Variants in CYP7B1 observed in about 807,000 individuals in gnomAD.
CYP7B1 encodes the protein cytochrome P450 7B1.
In CYP7B1, 29 loss-of-function variants were observed where a neutral mutation model predicts 42.7. The observed-to-expected ratio is 0.68, with a 90% CI of 0.51 to 0.93. The LOEUF is 0.93. Ranked by LOEUF, CYP7B1 falls within the 40% of genes least tolerant of loss-of-function variation. The pLI, the probability that CYP7B1 is intolerant of heterozygous loss-of-function variation, is 0.00. For synonymous variants in CYP7B1, 235 were observed against 218.2 expected, an observed-to-expected ratio of 1.08 and a Z score of -0.68; for missense variants, 655 against 600.5, an observed-to-expected ratio of 1.09 and a Z score of -0.95.
At chr8:64,777,534 C>T (rs1172223226) in intron 1 of CYP7B1, among the ~76,000 whole-genome samples, 1 of 152,022 alleles carries the variant, frequency 6.6e-6, no homozygotes, top group African/African-American at 2.4e-5. Flanking sequence ...TCATGGACCA[C>T]GTGCCGACTA....
chr8:64,744,889 G>C (rs1364798044), intron 1 of CYP7B1, among the ~76,000 whole-genome samples: 2 of 151,938 alleles, frequency 1.3e-5, no homozygotes, highest in African/African-American at 2.4e-5. Flanking sequence ...TTTTTACTAG[G>C]GCTTTATAGC....
At chr8:64,722,991 GTGAATCGTAGC>G (rs1807269220) in intron 1 of CYP7B1, among the ~76,000 whole-genome samples, 1 of 152,144 alleles carries the variant, frequency 6.6e-6, no homozygotes, top group African/African-American at 2.4e-5. Context: ...TCAATTGTAA[GTGAATCGTAGC>G]TGGCTTTTTT....
chr8:64,745,876 G>C (rs574325893), intron 1 of CYP7B1, among the ~76,000 whole-genome samples: 2 of 152,220 alleles, frequency 1.3e-5, no homozygotes, highest in East Asian at 3.9e-4. Flanking sequence ...CAATGGGCTG[G>C]TTCATCATCT....
intron 1 of CYP7B1, among the ~76,000 whole-genome samples, chr8:64,649,181 AATCAATTC>A (rs1348364825): frequency 6.6e-6 from 1 of 152,198 alleles, no homozygotes; most frequent in East Asian, 1.9e-4. Context: ...TCAATAAATT[AATCAATTC>A]ATCAATTCAA....
rs1303016432 is a variant in CYP7B1, at chr8:64,596,496, C to T, written c.*146G>A. The T allele has an allele frequency of 2.5e-6, 2 of 815,970 alleles. No homozygotes were observed. The highest frequency in any genetic ancestry group is 3.5e-5 in the African/African-American group (2 of 57,650). The allele number at this position is 815,970 out of a possible 1,614,324, so 50.5% of individuals were successfully genotyped here. A position where few individuals can be genotyped will look rare whatever the true frequency, so the allele number is the denominator to read the frequency against. On this transcript the variant is annotated 3_prime_UTR_variant, in exon 6 of 6. Transcript: ENST00000310193. ...TTATGATGGGCTTTGTGACTAAGGA[C>T]AAACTGGACTGATATCAGATCAAAT...
chr8:64,630,844 G>C (rs7008736), intron 1 of CYP7B1, among the ~76,000 whole-genome samples: 112,533 of 152,166 alleles, frequency 0.74, 41,955 homozygotes, highest in African/African-American at 0.83. Context: ...TTGTTCTATA[G>C]AAGAAGTGAA....
intron 1 of CYP7B1, among the ~76,000 whole-genome samples, chr8:64,757,441 T>C (rs998243976): frequency 1.3e-5 from 2 of 152,176 alleles, no homozygotes; most frequent in Non-Finnish European, 2.9e-5. Flanking sequence ...AGAAAAAGGA[T>C]AGTGAGAGGG....
At chr8:64,638,073 C>A (rs2129630902) in intron 1 of CYP7B1, among the ~76,000 whole-genome samples, 1 of 152,208 alleles carries the variant, frequency 6.6e-6, no homozygotes, top group Non-Finnish European at 1.5e-5. Context: ...ATTCTTGATT[C>A]ATAAATGCAA....
intron 1 of CYP7B1, among the ~76,000 whole-genome samples, chr8:64,764,229 G>GCCCCCCCCCCCCCCCCCC (rs59605103): frequency 5.7e-4 from 72 of 125,230 alleles, no homozygotes; most frequent in East Asian, 7.2e-4. Flanking sequence ...CTTCCACGCT[G>GCCCCCCCCCCCCCCCCCC]CCCCCCCCAC....
In CYP7B1 at chr8:64,592,832, A is replaced by AGTT. The variant is rs1207042560; in HGVS notation, c.*3807_*3809dup. Reference sequence around the variant, plus strand: ...GACGGAAATTGTTTAATAATAAGCCAGTTATGTCACAGCCAGAATCTGCAT... The same window carrying AGTT: ...GACGGAAATTGTTTAATAATAAGCCAGTTGTTATGTCACAGCCAGAATCTGCAT... On this transcript the variant is annotated 3_prime_UTR_variant, in exon 6 of 6. Coordinates refer to ENST00000310193, the MANE Select transcript of CYP7B1 (RefSeq NM_004820.5). Among the ~76,000 whole-genome samples, 1 of 152,236 alleles carries AGTT rather than the reference A, an allele frequency of 6.6e-6. No individual in the cohort carries two copies. The highest frequency in any genetic ancestry group is 2.4e-5 in the African/African-American group (1 of 41,468).
At chr8:64,735,749 G>A (rs1013366607) in intron 1 of CYP7B1, among the ~76,000 whole-genome samples, 2 of 152,094 alleles carry the variant, frequency 1.3e-5, no homozygotes, top group African/African-American at 4.8e-5. Context: ...ATGAGAATGG[G>A]ATCTGTGGGA....
intron 1 of CYP7B1, among the ~76,000 whole-genome samples, chr8:64,765,583 G>T (rs977729877): frequency 1.3e-5 from 2 of 152,138 alleles, no homozygotes; most frequent in Non-Finnish European, 2.9e-5. Context: ...GTCAACAAAG[G>T]CAAGAAAAGG....
chr8:64,794,032 G>C (rs552444824), intron 1 of CYP7B1, among the ~76,000 whole-genome samples: 1 of 152,196 alleles, frequency 6.6e-6, no homozygotes, highest in South Asian at 2.1e-4. Flanking sequence ...TATCAGAAGG[G>C]AGGCAACCCT....
intron 2 of CYP7B1, among the ~76,000 whole-genome samples, chr8:64,620,919 A>G (rs1344033410): frequency 6.6e-6 from 1 of 152,198 alleles, no homozygotes; most frequent in Non-Finnish European, 1.5e-5. Context: ...ATTTTTTTGA[A>G]AAGTGAATAA....
At chr8:64,760,093 T>C (rs1231060421) in intron 1 of CYP7B1, among the ~76,000 whole-genome samples, 1 of 152,136 alleles carries the variant, frequency 6.6e-6, no homozygotes, top group Non-Finnish European at 1.5e-5. Context: ...AGTAAACTCA[T>C]GCATATATGA....
intron 1 of CYP7B1, among the ~76,000 whole-genome samples, chr8:64,754,347 T>C (rs1585895724): frequency 6.6e-6 from 1 of 152,200 alleles, no homozygotes; most frequent in Non-Finnish European, 1.5e-5. Context: ...ACTTGGTGCA[T>C]TACATTAATA....
At position 64,591,596 on chromosome 8, in the gene CYP7B1, A is replaced by T. The variant is rs540241526; in HGVS notation, c.*5046T>A. Among the ~76,000 whole-genome samples, 7 of 152,316 alleles carry T rather than the reference A, an allele frequency of 4.6e-5. No individual in the cohort carries two copies. The South Asian group carries it at 1.4e-3, about 32-fold the overall frequency. ...TTATTTTTATGATAAAATAAGCATT[A>T]AAAATGTAGATTTTCAGTATGGAAG... On this transcript the variant is annotated 3_prime_UTR_variant, in exon 6 of 6. Transcript: ENST00000310193.
intron 1 of CYP7B1, among the ~76,000 whole-genome samples, chr8:64,662,387 A>T (rs1445350531): frequency 6.6e-6 from 1 of 152,154 alleles, no homozygotes; most frequent in Non-Finnish European, 1.5e-5. Flanking sequence ...GTGTTGGTAG[A>T]TTGCTTTTGG....
chr8:64,604,989 CA>C, intron 4 of CYP7B1, 132 bp from the exon 5 acceptor site: 1 of 1,095,898 alleles, frequency 9.1e-7, no homozygotes, highest in Non-Finnish European at 1.3e-6. Context: ...ATACATTGAG[CA>C]CCAAGAGGGA....
Sources: allele counts gnomAD v4.1 joint callset (sites outside exome capture counted in the v4.1 genomes callset), GRCh38; gene constraint gnomAD v4.1.1; transcripts MANE v1.5; gene names NCBI Gene and HGNC (gene_info 2026-07-23, HGNC 2026-07-21).